The following CACNA1C variants were observed in gnomAD, a reference collection of about 807,000 sequenced individuals.
CACNA1C encodes the protein calcium voltage-gated channel subunit alpha1 C, also known as voltage-dependent L-type calcium channel subunit alpha-1C.
CACNA1C carries 30 observed loss-of-function variants against 229.0 expected under a neutral mutation model. The ratio of observed to expected loss-of-function variants is 0.13; its 90% CI spans 0.10 to 0.18. The LOEUF is 0.18. CACNA1C is among the 10% of genes least tolerant of loss of function. The pLI is 1.00. For synonymous variants in CACNA1C, 1,114 were observed against 1,132.5 expected (o/e 0.98, Z 0.33); for missense variants, 1,658 against 2,845.0 (o/e 0.58, Z 9.49).
At chr12:2,514,113 C>T (rs1360831000) in intron 9 of CACNA1C, among the ~76,000 whole-genome samples, 2 of 152,168 alleles carry the variant, frequency 1.3e-5, no homozygotes, top group Non-Finnish European at 2.9e-5. Flanking sequence ...AAGAGCCATC[C>T]AGGGCATTTG....
chr12:2,276,835 G>T (rs1159936608), intron 3 of CACNA1C, among the ~76,000 whole-genome samples: 2 of 152,142 alleles, frequency 1.3e-5, no homozygotes, highest in African/African-American at 4.8e-5. Context: ...GGGTAGCGGG[G>T]TAGGGTGAGA....
intron 13 of CACNA1C, among the ~76,000 whole-genome samples, chr12:2,570,099 G>A (rs922410832): frequency 6.6e-6 from 1 of 152,176 alleles, no homozygotes; most frequent in African/African-American, 2.4e-5. Flanking sequence ...AACCTTAGAA[G>A]ACATATGGGA....
intron 9 of CACNA1C, among the ~76,000 whole-genome samples, chr12:2,517,855 TC>T (rs2099800519): frequency 2.0e-5 from 3 of 152,220 alleles, no homozygotes; most frequent in African/African-American, 7.2e-5. Context: ...CTCTTCTTTT[TC>T]CTCTTCAAGA....
chr12:2,076,274 T>A (rs1196280606), intron 1 of CACNA1C, among the ~76,000 whole-genome samples: 1 of 152,226 alleles, frequency 6.6e-6, no homozygotes, highest in Non-Finnish European at 1.5e-5. Flanking sequence ...TGATTCACTG[T>A]CTAATTTAGG....
chr12:2,092,307 A>G (rs1031574630), intron 1 of CACNA1C, among the ~76,000 whole-genome samples: 10 of 152,226 alleles, frequency 6.6e-5, no homozygotes, highest in African/African-American at 2.4e-4. Context: ...TAACTTGTAC[A>G]GTGATTTCCT....
chr12:1,972,442 T>G lies in CACNA1C; in HGVS notation c.139+1241T>G, dbSNP rs144213278. Reference sequence around the variant, plus strand: ...CGTTACTAGCATATGGTAGTACACATGCACACACAGCTACTAGGCATTTGA... The same window carrying G: ...CGTTACTAGCATATGGTAGTACACAGGCACACACAGCTACTAGGCATTTGA... On this transcript the variant is annotated intron_variant, in intron 1 of 46. Coordinates refer to the CACNA1C transcript ENST00000682462. 3.2e-4 allele frequency among the ~76,000 whole-genome samples: 49 copies of G among 152,322 alleles called. No individual in the cohort carries two copies. In the East Asian group the frequency reaches 9.1e-3, roughly 28 times the overall value.
rs374413033 is a variant in CACNA1C at position 2,380,700 on chromosome 12, G to A, written c.478-68276G>A. ...GCTGGCACGAAAGGGCTCTGCCAGT[G>A]AGCAATGTTAGAATTAAAGACACAA... On this transcript the variant is annotated intron_variant, in intron 3 of 46. Coordinates refer to ENST00000399655, the MANE Select transcript of CACNA1C (RefSeq NM_000719.7). Among the ~76,000 whole-genome samples, 436 of 152,332 alleles carry A rather than the reference G, an allele frequency of 2.9e-3. 2 individuals are homozygous for A. The highest frequency in any genetic ancestry group is 9.8e-3 in the African/African-American group (408 of 41,570).
At chr12:2,634,008 C>T (rs920711333) in intron 29 of CACNA1C, among the ~76,000 whole-genome samples, 7 of 152,132 alleles carry the variant, frequency 4.6e-5, no homozygotes, top group Admixed American at 1.3e-4. Context: ...CCCGGCTCCC[C>T]GGGGCGGCCA....
chr12:2,615,924 G>A (rs1187626456), intron 29 of CACNA1C, among the ~76,000 whole-genome samples: 1 of 152,184 alleles, frequency 6.6e-6, no homozygotes, highest in Non-Finnish European at 1.5e-5. Context: ...TCACCCCGTG[G>A]AAGGCTCCTA....
chr12:2,162,726 C>A (rs2095953285), intron 3 of CACNA1C, among the ~76,000 whole-genome samples: 1 of 152,076 alleles, frequency 6.6e-6, no homozygotes, highest in Admixed American at 6.6e-5. Flanking sequence ...ACCCCTGGGA[C>A]ACTGCCTGGC....
intron 1 of CACNA1C, among the ~76,000 whole-genome samples, chr12:2,021,012 T>C (rs547891672): frequency 2.0e-5 from 3 of 152,100 alleles, no homozygotes; most frequent in South Asian, 4.2e-4. Context: ...CCAGGGTAAG[T>C]AGGAAAATAT....
intron 3 of CACNA1C, among the ~76,000 whole-genome samples, chr12:2,359,897 T>A (rs1238922951): frequency 2.6e-5 from 4 of 152,180 alleles, no homozygotes; most frequent in Non-Finnish European, 4.4e-5. Flanking sequence ...CAAGGCAGGA[T>A]GGATCACAAG....
intron 1 of CACNA1C, among the ~76,000 whole-genome samples, chr12:2,019,453 C>T (rs909613891): frequency 1.6e-5 from 2 of 126,286 alleles, no homozygotes; most frequent in African/African-American, 5.9e-5. Context: ...AAGCAAGACC[C>T]TGTATCTAAA....
intron 3 of CACNA1C, among the ~76,000 whole-genome samples, chr12:2,376,257 C>A (rs1352630579): frequency 1.3e-5 from 2 of 152,060 alleles, no homozygotes; most frequent in African/African-American, 2.4e-5. Flanking sequence ...GGAGTCATGG[C>A]TTTGTGACCT....
chr12:2,381,208 T>C (rs2154545391), intron 3 of CACNA1C, among the ~76,000 whole-genome samples: 1 of 152,278 alleles, frequency 6.6e-6, no homozygotes, highest in East Asian at 1.9e-4. Context: ...GTCCTTGAAG[T>C]TCCTGAAATT....
intron 3 of CACNA1C, among the ~76,000 whole-genome samples, chr12:2,318,610 GAA>G (rs1381069904): frequency 6.6e-6 from 1 of 152,236 alleles, no homozygotes; most frequent in Non-Finnish European, 1.5e-5. Flanking sequence ...AAGGGTCCCA[GAA>G]ATCAGAGGAG....
intron 1 of CACNA1C, among the ~76,000 whole-genome samples, chr12:2,085,632 C>T (rs1345319028): frequency 6.6e-6 from 1 of 152,140 alleles, no homozygotes; most frequent in Non-Finnish European, 1.5e-5. Flanking sequence ...ATACACCCCT[C>T]GGACTCTGAT....
intron 24 of CACNA1C, 96 bp from the exon 25 acceptor site, chr12:2,606,515 T>C: frequency 1.0e-6 from 1 of 1,004,658 alleles, no homozygotes; most frequent in Non-Finnish European, 1.5e-6. Flanking sequence ...CCACTGTCCC[T>C]AGCACAGTGC....
chr12:2,305,001 C>T (rs138859020), intron 3 of CACNA1C, among the ~76,000 whole-genome samples: 118 of 152,206 alleles, frequency 7.8e-4, no homozygotes, highest in Admixed American at 1.4e-3. Context: ...CAGCTGTGTG[C>T]GGGTGTTTGC....
Sources: allele counts gnomAD v4.1 joint callset (sites outside exome capture counted in the v4.1 genomes callset), GRCh38; gene constraint gnomAD v4.1.1; transcripts MANE v1.5; gene names NCBI Gene and HGNC (gene_info 2026-07-23, HGNC 2026-07-21).